GPHN: variants seen among roughly 807,000 people sequenced by gnomAD.
GPHN encodes gephyrin.
In GPHN, 17 loss-of-function variants were observed where a neutral mutation model predicts 95.5. The ratio of observed to expected loss-of-function variants is 0.18; its 90% CI spans 0.12 to 0.27. The LOEUF (loss-of-function observed/expected upper bound fraction) is 0.27. Ranked by LOEUF, GPHN falls within the 10% of genes least tolerant of loss-of-function variation. GPHN has a pLI of 1.00. For missense variants in GPHN, 660 were observed against 978.1 expected (o/e 0.67, Z 4.34); for synonymous variants, 320 against 322.5 (o/e 0.99, Z 0.08).
chr14:66,666,879 A>G (rs1251504915), intron 1 of GPHN, among the ~76,000 whole-genome samples: 1 of 152,178 alleles, frequency 6.6e-6, no homozygotes, highest in Non-Finnish European at 1.5e-5. Flanking sequence ...TTCTGTATCT[A>G]GAAAACCCCA....
chr14:66,639,151 G>A (rs2153351094), intron 1 of GPHN, among the ~76,000 whole-genome samples: 1 of 129,456 alleles, frequency 7.7e-6, no homozygotes, highest in South Asian at 2.4e-4. Context: ...TAGGTGACTA[G>A]AAGGAAACAG....
chr14:66,753,550 T>C (rs1229022004), intron 2 of GPHN, among the ~76,000 whole-genome samples: 2 of 152,038 alleles, frequency 1.3e-5, no homozygotes, highest in Non-Finnish European at 2.9e-5. Flanking sequence ...TTCTATTCTA[T>C]TTTCACACAT....
At chr14:66,785,467 G>A (rs1185330549) in intron 3 of GPHN, among the ~76,000 whole-genome samples, 1 of 152,034 alleles carries the variant, frequency 6.6e-6, no homozygotes, top group African/African-American at 2.4e-5. Flanking sequence ...TCTGGAGACA[G>A]AGAGGACATC....
At chr14:67,086,768 G>A (rs1219774938) in intron 11 of GPHN, among the ~76,000 whole-genome samples, 1 of 151,624 alleles carries the variant, frequency 6.6e-6, no homozygotes, top group Non-Finnish European at 1.5e-5. Context: ...GGCCAGGCGC[G>A]TGGCTCACGC....
At chr14:66,832,135 A>G (rs1355775999) in intron 4 of GPHN, among the ~76,000 whole-genome samples, 2 of 152,206 alleles carry the variant, frequency 1.3e-5, no homozygotes, top group Non-Finnish European at 2.9e-5. Context: ...TGACAGAGTG[A>G]GACCCTGTTT....
chr14:67,179,706 A>G (rs112260105), intron 22 of GPHN, 32 bp downstream of exon 22: 1 of 1,054,238 alleles, frequency 9.5e-7, no homozygotes, highest in Non-Finnish European at 1.5e-6. Context: ...ATATTCCTAG[A>G]CACCTATCCT....
chr14:66,548,143 A>G (rs1043591923), intron 1 of GPHN, among the ~76,000 whole-genome samples: 1 of 145,792 alleles, frequency 6.9e-6, no homozygotes, highest in Non-Finnish European at 1.5e-5. Flanking sequence ...TGTTATGGTG[A>G]TCTGTGATCA....
intron 8 of GPHN, among the ~76,000 whole-genome samples, chr14:66,957,450 C>T (rs2068601312): frequency 6.6e-6 from 1 of 152,012 alleles, no homozygotes. Flanking sequence ...CCCACCTCGG[C>T]CTCCCAAATT....
chr14:66,593,549 C>T (rs1351018975), intron 1 of GPHN, among the ~76,000 whole-genome samples: 1 of 152,120 alleles, frequency 6.6e-6, no homozygotes, highest in Non-Finnish European at 1.5e-5. Flanking sequence ...ATAGGGGAAT[C>T]CATGCCCAAG....
intron 2 of GPHN, among the ~76,000 whole-genome samples, chr14:66,720,387 C>T (rs2070624389): frequency 6.6e-6 from 1 of 152,132 alleles, no homozygotes; most frequent in African/African-American, 2.4e-5. Flanking sequence ...AACCCCGTCT[C>T]TACTGAAAAT....
chr14:67,461,872 G>A, the GPHN span, among the ~76,000 whole-genome samples: 1 of 152,296 alleles, frequency 6.6e-6, no homozygotes, highest in South Asian at 2.1e-4. Flanking sequence ...TTTCTGAAAG[G>A]ATCCAAGGAA....
intron 2 of GPHN, among the ~76,000 whole-genome samples, chr14:66,726,160 T>C (rs1376383307): frequency 5.3e-5 from 8 of 152,194 alleles, no homozygotes; most frequent in Non-Finnish European, 1.2e-4. Flanking sequence ...AGGCAAATCA[T>C]ATGCCTTATC....
At chr14:67,672,454 T>C in the GPHN span, among the ~76,000 whole-genome samples, 1 of 146,156 alleles carries the variant, frequency 6.8e-6, no homozygotes. Context: ...TTTCTTTTTT[T>C]TTTTTTTTTG....
At chr14:66,620,803 G>T (rs1328782609) in intron 1 of GPHN, among the ~76,000 whole-genome samples, 1 of 152,148 alleles carries the variant, frequency 6.6e-6, no homozygotes, top group Non-Finnish European at 1.5e-5. Context: ...GACAAGGCAA[G>T]TCCCTTCTGC....
chr14:66,931,882 T>C (rs1393069556), intron 8 of GPHN, among the ~76,000 whole-genome samples: 1 of 152,258 alleles, frequency 6.6e-6, no homozygotes, highest in Non-Finnish European at 1.5e-5. Flanking sequence ...ATTTAGTTCA[T>C]TTAGCAAAGC....
chr14:66,570,061 T>A (rs1318260000), intron 1 of GPHN, among the ~76,000 whole-genome samples: 1 of 152,142 alleles, frequency 6.6e-6, no homozygotes, highest in African/African-American at 2.4e-5. Flanking sequence ...TGTGCTTGTT[T>A]TATTTCATTT....
At chr14:67,279,600 T>C in the GPHN span, 1 of 1,419,416 alleles carries the variant, frequency 7.0e-7, no homozygotes, top group Non-Finnish European at 9.4e-7. Flanking sequence ...CCTTATAATG[T>C]ATATGAGAAG....
chr14:67,584,160 G>C, the GPHN span: 1 of 1,603,166 alleles, frequency 6.2e-7, no homozygotes, highest in Non-Finnish European at 8.5e-7. Context: ...CACACCCTTA[G>C]GTGTGTCCCC....
At chr14:66,826,689 G>C (rs1478017622) in intron 4 of GPHN, among the ~76,000 whole-genome samples, 2 of 152,172 alleles carry the variant, frequency 1.3e-5, no homozygotes, top group African/African-American at 2.4e-5. Context: ...ATACAATTTA[G>C]GAATAGCCAA....
Sources: gnomAD v4.1 joint callset for allele counts (sites outside exome capture counted in the v4.1 genomes callset) on GRCh38, gnomAD v4.1.1 for gene constraint, MANE v1.5 for transcripts, NCBI Gene and HGNC (gene_info 2026-07-23, HGNC 2026-07-21) for gene names.